Variants in LCOR observed in about 807,000 individuals in gnomAD.
LCOR encodes ligand-dependent corepressor.
Under a neutral mutation model 64.4 loss-of-function variants are expected in LCOR, and 14 were observed. That is an observed-to-expected ratio of 0.22 (90% CI 0.14 to 0.34). The LOEUF is 0.34. LCOR is among the 10% of genes least tolerant of loss of function. The pLI, the probability that LCOR is intolerant of heterozygous loss-of-function variation, is 1.00. For missense variants in LCOR, 1,686 were observed against 1,765.3 expected, an observed-to-expected ratio of 0.96 and a Z score of 0.80; for synonymous variants, 643 against 642.5, an observed-to-expected ratio of 1.00 and a Z score of -0.01.
rs1447649228 is a variant in LCOR, at chr10:96,983,434, A to G, written c.2974A>G (p.Asn992Asp). Reference protein sequence around the residue: ...IPTQHVEEAVNEVDNENTQQK... With the variant: ...IPTQHVEEAVDEVDNENTQQK... ...CACACAGCATGTGGAGGAGGCTGTG[A>G]ATGAGGTAGACAACGAAAACACCCA... is the stretch of plus-strand genomic sequence containing the variant. The change falls in exon 8 of 8, where the codon AAT becomes GAT. Residue 992 changes from asparagine (N) to aspartate (D), a missense_variant. Asn to Asp is a conservative substitution (Grantham distance 23). Transcript: ENST00000421806. The surrounding 1 kb of genome is among the most constrained non-coding windows in gnomAD (Gnocchi z 4.5). 2 of 1,614,202 alleles carry G rather than the reference A, an allele frequency of 1.2e-6. No homozygotes were observed. The highest frequency in any genetic ancestry group is 1.7e-6 in the Non-Finnish European group (2 of 1,180,044).
In LCOR at chr10:96,982,672, A is replaced by G. The variant is rs1357726345; in HGVS notation, c.2212A>G (p.Thr738Ala). 3 of 1,614,158 alleles carry G rather than the reference A, an allele frequency of 1.9e-6. No homozygotes were observed. Among genetic ancestry groups the G allele is most frequent in the Non-Finnish European group, 1.7e-6 (2 of 1,180,038 alleles). ...SISAEVESGD[T>A]QELNVDPLLK... ...CAGTGCTGAGGTTGAGTCTGGAGAC[A>G]CCCAGGAGCTAAATGTCGACCCACT... Residue 738 changes from threonine (T) to alanine (A), a missense_variant, in exon 8 of 8, where the codon ACC becomes GCC. Transcript: ENST00000421806.
chr10:96,931,469 C>A (rs1847259966), intron 4 of LCOR, among the ~76,000 whole-genome samples: 1 of 152,106 alleles, frequency 6.6e-6, no homozygotes, highest in Non-Finnish European at 1.5e-5. Context: ...CTCCTGACCT[C>A]AAGTGATCCA....
intron 2 of LCOR, among the ~76,000 whole-genome samples, chr10:96,858,408 C>G (rs1845837729): frequency 6.6e-6 from 1 of 152,090 alleles, no homozygotes; most frequent in South Asian, 2.1e-4. Context: ...AAAAGAAGAC[C>G]TTTAGATTGT....
At chr10:96,890,380 C>T (rs1846419689) in intron 2 of LCOR, among the ~76,000 whole-genome samples, 1 of 152,058 alleles carries the variant, frequency 6.6e-6, no homozygotes, top group Non-Finnish European at 1.5e-5. Context: ...TCACCCCTGC[C>T]CAGCCTAAAA....
intron 2 of LCOR, among the ~76,000 whole-genome samples, chr10:96,863,335 C>A (rs940044079): frequency 6.6e-6 from 1 of 150,920 alleles, no homozygotes; most frequent in African/African-American, 2.4e-5. Flanking sequence ...TCCTGAGTAG[C>A]TGGGATTACA....
In LCOR at chr10:96,952,214, T is replaced by C. The variant is rs1847693323; in HGVS notation, c.332+18T>C. ...GGGAACGGGTAAGGGAGAATATTTG[T>C]AGCCTTACACAGTTTCATATAGATA... On this transcript the variant is annotated intron_variant, in intron 7 of 7. Coordinates refer to ENST00000421806, the MANE Select transcript of LCOR (RefSeq NM_001346516.2). 1.3e-6 allele frequency: 2 copies of C among 1,538,776 alleles called. No homozygotes were observed. The highest frequency in any genetic ancestry group is 1.8e-6 in the Non-Finnish European group (2 of 1,111,708).
At chr10:96,976,803 A>C (rs1341197953) in intron 7 of LCOR, among the ~76,000 whole-genome samples, 1 of 152,248 alleles carries the variant, frequency 6.6e-6, no homozygotes, top group African/African-American at 2.4e-5. Flanking sequence ...ATTCAACCCC[A>C]GGCATCTCAT....
intron 7 of LCOR, among the ~76,000 whole-genome samples, chr10:96,973,470 T>G (rs146994541): frequency 1.3e-5 from 2 of 152,322 alleles, no homozygotes; most frequent in Non-Finnish European, 2.9e-5. Context: ...AGCAAGGACT[T>G]GTCAGCAGAT....
chr10:96,920,808 G>C (rs1182203536), intron 4 of LCOR, among the ~76,000 whole-genome samples: 1 of 150,336 alleles, frequency 6.7e-6, no homozygotes, highest in African/African-American at 2.5e-5. Flanking sequence ...TGGGGGGGTG[G>C]TGGGCGGGAG....
At chr10:96,870,665 C>G (rs1846058499) in intron 2 of LCOR, among the ~76,000 whole-genome samples, 1 of 152,168 alleles carries the variant, frequency 6.6e-6, no homozygotes, top group South Asian at 2.1e-4. Context: ...AAATAGTTAA[C>G]TCCAGTTTTC....
intron 4 of LCOR, among the ~76,000 whole-genome samples, chr10:96,925,898 C>CT (rs1847159897): frequency 6.6e-6 from 1 of 152,130 alleles, no homozygotes; most frequent in East Asian, 1.9e-4. Context: ...TTGAGGAAGA[C>CT]CTGTCCCTTT....
chr10:96,982,652 C>T lies in LCOR; in HGVS notation c.2192C>T (p.Ala731Val). ...GKAEDNQSIS[A>V]EVESGDTQEL... ...GCTGAGGACAACCAAAGCATCAGTG[C>T]TGAGGTTGAGTCTGGAGACACCCAG... The change falls in exon 8 of 8, where the codon GCT becomes GTT. Residue 731 changes from alanine (A) to valine (V), a missense_variant. By Grantham distance (64) the Ala-to-Val change is moderately conservative. Around this residue, in one of 3 missense-constraint regions of LCOR, gnomAD observed 1,293 missense variants for 1,410.4 expected, o/e 0.92. Transcript: ENST00000421806. The T allele has an allele frequency of 6.2e-7, 1 of 1,614,128 alleles. No homozygotes were observed. Among genetic ancestry groups the T allele is most frequent in the Non-Finnish European group, 8.5e-7 (1 of 1,180,024 alleles).
chr10:96,881,134 C>G (rs1023370037), intron 2 of LCOR, among the ~76,000 whole-genome samples: 2 of 152,108 alleles, frequency 1.3e-5, no homozygotes, highest in African/African-American at 4.8e-5. Flanking sequence ...TATTTATTAT[C>G]TGGCCTTTTA....
At chr10:96,872,657 CA>C (rs1846091273) in intron 2 of LCOR, among the ~76,000 whole-genome samples, 1 of 152,126 alleles carries the variant, frequency 6.6e-6, no homozygotes, top group Non-Finnish European at 1.5e-5. Flanking sequence ...TGCACTCCAG[CA>C]TAAGACTCTG....
chr10:96,894,844 A>G (rs1846510371), intron 2 of LCOR, among the ~76,000 whole-genome samples: 1 of 152,162 alleles, frequency 6.6e-6, no homozygotes, highest in Non-Finnish European at 1.5e-5. Flanking sequence ...GTGGGTTAAG[A>G]TATGTCTTTA....
At chr10:96,894,589 A>G (rs1019624641) in intron 2 of LCOR, among the ~76,000 whole-genome samples, 1 of 152,228 alleles carries the variant, frequency 6.6e-6, no homozygotes, top group African/African-American at 2.4e-5. Flanking sequence ...GGGGAGAACT[A>G]TTAAGAATTT....
At chr10:96,847,567 G>A (rs1396019128) in intron 2 of LCOR, among the ~76,000 whole-genome samples, 1 of 152,128 alleles carries the variant, frequency 6.6e-6, no homozygotes, top group Non-Finnish European at 1.5e-5. Flanking sequence ...TCAGACTCCC[G>A]AGTAGCTGCG....
Position 96,889,540 on chromosome 10 carries a change from G to A in LCOR, c.-329-17725G>A, listed in dbSNP as rs116918827. Among the ~76,000 whole-genome samples, 940 of 152,212 alleles carry A rather than the reference G, an allele frequency of 6.2e-3. 4 individuals are homozygous for A. The highest frequency in any genetic ancestry group is 0.017 in the Middle Eastern group (5 of 294). On this transcript the variant is annotated intron_variant, in intron 2 of 7. Transcript: ENST00000421806. ...GCAGGGAGGTAGCACAAGTGATCTCGAGCGTGTGTGCACCTTCTCTGGTTT... is the reference window on the plus strand; with the variant it reads ...GCAGGGAGGTAGCACAAGTGATCTCAAGCGTGTGTGCACCTTCTCTGGTTT...
chr10:96,910,857 C>G (rs1377464053), intron 4 of LCOR, among the ~76,000 whole-genome samples: 1 of 152,172 alleles, frequency 6.6e-6, no homozygotes, highest in Non-Finnish European at 1.5e-5. Flanking sequence ...TCAGTAAATA[C>G]TAACTCTGTA....
Sources: allele counts gnomAD v4.1 joint callset (sites outside exome capture counted in the v4.1 genomes callset), GRCh38; gene constraint gnomAD v4.1.1; regional missense constraint gnomAD v4.1.1; non-coding constraint Gnocchi (gnomAD v3.1); transcripts MANE v1.5; gene names NCBI Gene and HGNC (gene_info 2026-07-23, HGNC 2026-07-21).